The following KIAA2012 variants were observed in gnomAD, a reference collection of about 807,000 sequenced individuals.
The protein encoded by KIAA2012 is uncharacterized protein KIAA2012.
KIAA2012 carries 125 observed loss-of-function variants against 150.6 expected under a neutral mutation model. The observed-to-expected ratio is 0.83, with a 90% CI of 0.72 to 0.96. The LOEUF (loss-of-function observed/expected upper bound fraction) is 0.96, where lower values mean the gene tolerates loss of function less well. Among genes scored for constraint, KIAA2012 ranks in the 40% least tolerant of loss-of-function variants. The probability of loss-of-function intolerance (pLI) is 0.00; values close to 1 mark genes in which losing one functional copy is unlikely to be tolerated. For missense variants in KIAA2012, 1,219 were observed against 1,354.9 expected (o/e 0.90, Z 1.57); for synonymous variants, 462 against 504.7 (o/e 0.92, Z 1.13).
Position 202,199,948 on chromosome 2 carries a change from T to TC in KIAA2012, c.3408-2481_3408-2480insC. Among the ~76,000 whole-genome samples, 5 of 131,800 alleles carry TC rather than the reference T, an allele frequency of 3.8e-5. No homozygotes were observed. In the East Asian group the frequency reaches 9.9e-4, roughly 26 times the overall value. The allele number at this position is 131,800 out of a possible 152,430, so 86.5% of individuals were successfully genotyped here. ...TTTTTTTTTTTTTTTTTTTTTTTTT[T>TC]TGAGACGGAGTCTCACTCTGTTGCC... On this transcript the variant is annotated intron_variant, in intron 22 of 23. Coordinates refer to ENST00000498697, the MANE Select transcript of KIAA2012 (RefSeq NM_001277372.4).
At position 202,092,957 on chromosome 2, in the gene KIAA2012, C is replaced by G. The variant is rs752468664; in HGVS notation, c.530-73C>G. 6.7e-6 allele frequency: 9 copies of G among 1,335,662 alleles called. No homozygotes were observed. The South Asian group carries it at 9.5e-5, about 14-fold the overall frequency. 82.7% of individuals were successfully genotyped at this position (1,335,662 alleles called of 1,614,324 possible). A position where few individuals can be genotyped will look rare whatever the true frequency, so the allele number is the denominator to read the frequency against. On this transcript the variant is annotated intron_variant, in intron 3 of 23. Coordinates refer to ENST00000498697, the MANE Select transcript of KIAA2012 (RefSeq NM_001277372.4). ...AGCCAAGACTAGTGTAAGTGAGGAACCTTGTAGTTACCACCAAGAACTTGA... is the reference window on the plus strand; with the variant it reads ...AGCCAAGACTAGTGTAAGTGAGGAAGCTTGTAGTTACCACCAAGAACTTGA...
At chr2:202,171,535 G>C (rs993935670) in intron 15 of KIAA2012, among the ~76,000 whole-genome samples, 1 of 152,194 alleles carries the variant, frequency 6.6e-6, no homozygotes, top group Non-Finnish European at 1.5e-5. Flanking sequence ...AAGACCCCAG[G>C]CGGGCTCTCC....
At position 202,097,589 on chromosome 2, in the gene KIAA2012, T is replaced by TA; in HGVS notation, c.828+12_828+13insA. On this transcript the variant is annotated intron_variant, in intron 5 of 23. Transcript: ENST00000498697. ...AAACGCAGGCAGAGGTACCATTTCT[T>TA]TTTTTTTTTTTTTTCCCCGAGACGG... is the stretch of plus-strand genomic sequence containing the variant. The TA allele has an allele frequency of 3.0e-6, 1 of 336,012 alleles. No homozygotes were observed. Among genetic ancestry groups the TA allele is most frequent in the Middle Eastern group, 6.6e-4 (1 of 1,520 alleles). 20.8% of individuals were successfully genotyped at this position (336,012 alleles called of 1,614,324 possible).
chr2:202,147,327 A>G (rs558427483), intron 13 of KIAA2012, among the ~76,000 whole-genome samples: 11 of 152,300 alleles, frequency 7.2e-5, no homozygotes, highest in African/African-American at 2.6e-4. Flanking sequence ...TGCTTTCGCC[A>G]TATACCTAAG....
At chr2:202,177,516 G>A (rs913470303) in intron 15 of KIAA2012, among the ~76,000 whole-genome samples, 5 of 152,122 alleles carry the variant, frequency 3.3e-5, no homozygotes, top group African/African-American at 4.8e-5. Flanking sequence ...CGTGGTGGGA[G>A]GCAAAAAGGC....
intron 11 of KIAA2012, among the ~76,000 whole-genome samples, chr2:202,124,363 C>T (rs1690727337): frequency 6.6e-6 from 1 of 152,010 alleles, no homozygotes. Context: ...AAATAATTCT[C>T]ACCCCAGGTG....
intron 4 of KIAA2012, among the ~76,000 whole-genome samples, chr2:202,096,160 C>T (rs1012208297): frequency 2.6e-5 from 4 of 152,130 alleles, no homozygotes; most frequent in Non-Finnish European, 5.9e-5. Flanking sequence ...CATTTGGTTC[C>T]AGGTGAATCT....
chr2:202,138,576 C>T, intron 13 of KIAA2012, 68 bp downstream of exon 13: 1 of 1,184,028 alleles, frequency 8.4e-7, no homozygotes, highest in East Asian at 2.6e-5. Flanking sequence ...TTTCAGCTTG[C>T]TGTGTGCCCC....
chr2:202,179,681 T>C (rs560962988), intron 15 of KIAA2012: 5 of 659,880 alleles, frequency 7.6e-6, no homozygotes, highest in Admixed American at 5.5e-5. Context: ...GTTTGTCCAT[T>C]TGGAGTTTCT....
chr2:202,113,358 G>A lies in KIAA2012; in HGVS notation c.1674G>A (p.Leu558=), dbSNP rs1690427612. The change falls in exon 11 of 24, where the codon CTG becomes CTA. Residue 558 remains leucine, a synonymous_variant. Coordinates refer to ENST00000498697, the MANE Select transcript of KIAA2012 (RefSeq NM_001277372.4). ...AAQEDSSDPT[L]GHFLLGPDGE... is the part of the protein sequence containing the mutation. The stretch of plus-strand genomic sequence containing the variant: ...AAGAAGATTCCAGCGACCCTACACT[G>A]GGACACTTCTTGCTGGGTCCAGATG... 1 of 1,550,688 alleles carries A rather than the reference G, an allele frequency of 6.4e-7. No individual in the cohort carries two copies. Among genetic ancestry groups the A allele is most frequent in the Non-Finnish European group, 8.7e-7 (1 of 1,146,966 alleles).
At chr2:202,093,305 C>T in intron 4 of KIAA2012, 120 bp downstream of exon 4, 1 of 1,022,552 alleles carries the variant, frequency 9.8e-7, no homozygotes, top group Non-Finnish European at 1.4e-6. Flanking sequence ...AGTCCTCAAT[C>T]TGTAAAATGA....
At position 202,090,669 on chromosome 2, in the gene KIAA2012, G is replaced by C. The variant is rs557463480; in HGVS notation, c.370-101G>C. 24 of 1,338,096 alleles carry C rather than the reference G, an allele frequency of 1.8e-5. No individual in the cohort carries two copies. The South Asian group carries it at 3.9e-4, about 22-fold the overall frequency. The allele number at this position is 1,338,096 out of a possible 1,614,324, so 82.9% of individuals were successfully genotyped here. On this transcript the variant is annotated intron_variant, in intron 2 of 23. Transcript: ENST00000498697. ...TTTGGTGCCTTCTGGCACCTTCTGG[G>C]AGTTTCCTGGGTTACTGATGAAGAT...
chr2:202,125,030 A>T (rs1201038803), intron 11 of KIAA2012, among the ~76,000 whole-genome samples, 184 bp from the exon 12 acceptor site: 4 of 152,234 alleles, frequency 2.6e-5, no homozygotes, highest in African/African-American at 7.2e-5. Context: ...AGATCGTGCC[A>T]CTGCACTATA....
chr2:202,149,511 G>A (rs777631627), intron 13 of KIAA2012, among the ~76,000 whole-genome samples: 12 of 152,220 alleles, frequency 7.9e-5, no homozygotes, highest in Non-Finnish European at 1.0e-4. Flanking sequence ...GGAGCCTCTT[G>A]GCAGCCTGTT....
At chr2:202,095,254 G>T (rs1376746868) in intron 4 of KIAA2012, among the ~76,000 whole-genome samples, 3 of 152,174 alleles carry the variant, frequency 2.0e-5, no homozygotes, top group African/African-American at 7.2e-5. Flanking sequence ...CTTGAACCCT[G>T]ACTGATGTTT....
Position 202,073,637 on chromosome 2 carries a change from C to T in KIAA2012, c.10C>T (p.Leu4Phe). 4 of 1,550,398 alleles carry T rather than the reference C, an allele frequency of 2.6e-6. No homozygotes were observed. Among genetic ancestry groups the T allele is most frequent in the Non-Finnish European group, 3.5e-6 (4 of 1,146,908 alleles). The change falls in exon 1 of 24, where the codon CTC becomes TTC. Residue 4 changes from leucine to phenylalanine, a missense_variant. Coordinates refer to ENST00000498697, the MANE Select transcript of KIAA2012 (RefSeq NM_001277372.4). MFT[L>F]SLLSRGHGKL... Reference sequence around the variant, plus strand: ...GTGGTCAGAGGGAAACATGTTCACGCTCTCCCTCCTGAGCCGGGGCCACGG... The same window carrying T: ...GTGGTCAGAGGGAAACATGTTCACGTTCTCCCTCCTGAGCCGGGGCCACGG...
intron 15 of KIAA2012, 74 bp downstream of exon 15, chr2:202,165,430 G>A: frequency 7.0e-7 from 1 of 1,427,714 alleles, no homozygotes; most frequent in Non-Finnish European, 9.6e-7. Flanking sequence ...GTTAAAAGAT[G>A]TTAATGGGAG....
At position 202,196,890 on chromosome 2, in the gene KIAA2012, A is replaced by T. The variant is rs757347988; in HGVS notation, c.3278A>T (p.Glu1093Val). Reference sequence around the variant, plus strand: ...GAAATGGCTGAAGAGGAACGACTGGAGTACCAGCGGCGGAAACAGGAAGCA... The same window carrying T: ...GAAATGGCTGAAGAGGAACGACTGGTGTACCAGCGGCGGAAACAGGAAGCA... ...LMEMAEEERL[E>V]YQRRKQEAEE... Residue 1093 changes from glutamate (E) to valine (V), a missense_variant, in exon 22 of 24, where the codon GAG becomes GTG. Coordinates refer to ENST00000498697, the MANE Select transcript of KIAA2012 (RefSeq NM_001277372.4). The T allele has an allele frequency of 1.3e-6, 2 of 1,550,758 alleles. No homozygotes were observed. The highest frequency in any genetic ancestry group is 1.7e-6 in the Non-Finnish European group (2 of 1,146,978).
chr2:202,151,909 C>T (rs1435785521), intron 13 of KIAA2012, among the ~76,000 whole-genome samples: 5 of 152,056 alleles, frequency 3.3e-5, no homozygotes, highest in African/African-American at 1.2e-4. Flanking sequence ...TACAGGCACA[C>T]ACCACCACAC....
Sources: allele counts gnomAD v4.1 joint callset (sites outside exome capture counted in the v4.1 genomes callset), GRCh38; gene constraint gnomAD v4.1.1; transcripts MANE v1.5; gene names NCBI Gene and HGNC (gene_info 2026-07-23, HGNC 2026-07-21).